DDI2: variants seen among roughly 807,000 people sequenced by gnomAD.
The protein encoded by DDI2 is protein DDI1 homolog 2.
A neutral mutation model predicts 48.1 loss-of-function variants in DDI2; 5 were observed. That is an observed-to-expected ratio of 0.10 (90% CI 0.05 to 0.22). The LOEUF (loss-of-function observed/expected upper bound fraction) is 0.22. DDI2 is among the 10% of genes least tolerant of loss of function. DDI2 has a pLI of 1.00. For missense variants in DDI2, 285 were observed against 506.2 expected (o/e 0.56, Z 4.19); for synonymous variants, 205 against 183.6 (o/e 1.12, Z -0.94).
intron 2 of DDI2, among the ~76,000 whole-genome samples, chr1:15,628,730 T>C (rs754435053): frequency 2.3e-5 from 3 of 128,290 alleles, no homozygotes; most frequent in African/African-American, 3.2e-5. Flanking sequence ...TTTATTGAGA[T>C]AGAATTCATG....
At position 15,665,909 on chromosome 1, in the gene DDI2, T is replaced by G. The variant is rs892045931; in HGVS notation, c.*6119T>G. 7 of 152,126 alleles carry G rather than the reference T, an allele frequency of 4.6e-5. No homozygotes were observed. Among genetic ancestry groups the G allele is most frequent in the African/African-American group, 1.7e-4 (7 of 41,428 alleles). 9.4% of individuals were successfully genotyped at this position (152,126 alleles called of 1,614,324 possible). ...CAAGAGAAGCTGACCAGATTATGCA[T>G]TCTACTGTTCTCTAGCACAAGTACT... On this transcript the variant is annotated 3_prime_UTR_variant, in exon 10 of 10. Coordinates refer to ENST00000480945, the MANE Select transcript of DDI2 (RefSeq NM_032341.5).
Position 15,660,892 on chromosome 1 carries a change from G to A in DDI2, c.*1102G>A, listed in dbSNP as rs749731830. The A allele has an allele frequency of 4.5e-5, 73 of 1,614,108 alleles. No homozygotes were observed. The East Asian group carries it at 1.6e-3, about 34-fold the overall frequency. ...TCTCTGTGGCAGTTGTCAGCCTTCT[G>A]TGGAGTCAGCAGAAGAATCTTGCCC... On this transcript the variant is annotated 3_prime_UTR_variant, in exon 10 of 10. Coordinates refer to ENST00000480945, the MANE Select transcript of DDI2 (RefSeq NM_032341.5).
chr1:15,630,102 T>C (rs556150529), intron 2 of DDI2, among the ~76,000 whole-genome samples: 1 of 152,248 alleles, frequency 6.6e-6, no homozygotes, highest in South Asian at 2.1e-4. Context: ...GCTAAAAATT[T>C]GGAGTTACTA....
At chr1:15,626,988 A>G in intron 2 of DDI2, 190 bp downstream of exon 2, 1 of 696,960 alleles carries the variant, frequency 1.4e-6, no homozygotes, top group Non-Finnish European at 2.3e-6. Context: ...TCTATAAGTT[A>G]GGTGCCATAA....
chr1:15,662,732 C>T lies in DDI2; in HGVS notation c.*2942C>T, dbSNP rs1473800864. 1 of 152,212 alleles carries T rather than the reference C, an allele frequency of 6.6e-6. No homozygotes were observed. The highest frequency in any genetic ancestry group is 1.5e-5 in the Non-Finnish European group (1 of 68,042). 9.4% of individuals were successfully genotyped at this position (152,212 alleles called of 1,614,324 possible). On this transcript the variant is annotated 3_prime_UTR_variant, in exon 10 of 10. Transcript: ENST00000480945. ...TGTGAGCTGTGATCTGAGTGAAATACTAAGTGTGATAACCTTGTCACTGGT... is the reference window on the plus strand; with the variant it reads ...TGTGAGCTGTGATCTGAGTGAAATATTAAGTGTGATAACCTTGTCACTGGT...
chr1:15,658,657 G>A (rs924831451), intron 9 of DDI2, among the ~76,000 whole-genome samples: 2 of 151,876 alleles, frequency 1.3e-5, no homozygotes, highest in African/African-American at 2.4e-5. Context: ...GCTACTCTGA[G>A]GCAGGAGAAT....
intron 1 of DDI2, among the ~76,000 whole-genome samples, chr1:15,618,095 T>C (rs1388545301): frequency 6.6e-6 from 1 of 152,140 alleles, no homozygotes; most frequent in Non-Finnish European, 1.5e-5. Flanking sequence ...GCGCTAACCC[T>C]CCCCACCTTT....
At position 15,661,772 on chromosome 1, in the gene DDI2, A is replaced by G. The variant is rs1332026313; in HGVS notation, c.*1982A>G. The G allele has an allele frequency of 3.2e-6, 5 of 1,540,736 alleles. No homozygotes were observed. Among genetic ancestry groups the G allele is most frequent in the Non-Finnish European group, 4.4e-6 (5 of 1,145,476 alleles). ...TCTCCATTCCCTTTAAACAAAAGAA[A>G]GCTCTCTCTATATACACGCACACAT... On this transcript the variant is annotated 3_prime_UTR_variant, in exon 10 of 10. Coordinates refer to ENST00000480945, the MANE Select transcript of DDI2 (RefSeq NM_032341.5).
chr1:15,631,156 T>C (rs1255676755), intron 3 of DDI2, among the ~76,000 whole-genome samples: 1 of 152,104 alleles, frequency 6.6e-6, no homozygotes, highest in African/African-American at 2.4e-5. Context: ...ACCGATATTT[T>C]AACCTTAGTT....
rs1340318317 is a variant in DDI2 at position 15,661,906 on chromosome 1, A to G, written c.*2116A>G. On this transcript the variant is annotated 3_prime_UTR_variant, in exon 10 of 10. Coordinates refer to ENST00000480945, the MANE Select transcript of DDI2 (RefSeq NM_032341.5). Reference sequence around the variant, plus strand: ...AAAGTAATTTATGATCTTTTGTCTGATGAATTTGTCTATCCTACTTGTTAA... The same window carrying G: ...AAAGTAATTTATGATCTTTTGTCTGGTGAATTTGTCTATCCTACTTGTTAA... 1.2e-6 allele frequency: 1 copy of G among 868,028 alleles called. No individual in the cohort carries two copies. Among genetic ancestry groups the G allele is most frequent in the Non-Finnish European group, 1.6e-6 (1 of 617,502 alleles). The allele number at this position is 868,028 out of a possible 1,614,324, so 53.8% of individuals were successfully genotyped here. A position where few individuals can be genotyped will look rare whatever the true frequency, so the allele number is the denominator to read the frequency against.
chr1:15,622,715 C>A (rs1639685661), intron 1 of DDI2, among the ~76,000 whole-genome samples: 1 of 152,098 alleles, frequency 6.6e-6, no homozygotes, highest in Admixed American at 6.6e-5. Flanking sequence ...CTAATAGATA[C>A]TGAATGTTTG....
chr1:15,661,405 T>C lies in DDI2; in HGVS notation c.*1615T>C, dbSNP rs1432165717. On this transcript the variant is annotated 3_prime_UTR_variant, in exon 10 of 10. Coordinates refer to ENST00000480945, the MANE Select transcript of DDI2 (RefSeq NM_032341.5). ...CAATCAGACTTCTGAGCAAACTAAG[T>C]CTTTGTCATCCAATTTCATATTGGT... 18 of 1,614,036 alleles carry C rather than the reference T, an allele frequency of 1.1e-5. No homozygotes were observed. Among genetic ancestry groups the C allele is most frequent in the Non-Finnish European group, 1.5e-5 (18 of 1,180,040 alleles).
intron 5 of DDI2, 30 bp from the exon 6 acceptor site, chr1:15,643,492 T>G: frequency 6.2e-7 from 1 of 1,601,036 alleles, no homozygotes; most frequent in Non-Finnish European, 8.5e-7. Flanking sequence ...GATTTTGTTT[T>G]TATTGTCTGA....
At chr1:15,652,347 C>T (rs566576208) in intron 8 of DDI2, among the ~76,000 whole-genome samples, 2 of 150,326 alleles carry the variant, frequency 1.3e-5, no homozygotes, top group South Asian at 4.2e-4. Context: ...TGTGAGCTAC[C>T]ATATCCAAAC....
intron 4 of DDI2, among the ~76,000 whole-genome samples, chr1:15,636,193 A>G (rs565394541): frequency 2.6e-4 from 39 of 152,142 alleles, no homozygotes; most frequent in African/African-American, 9.2e-4. Context: ...GTGTAGTGGC[A>G]CGATCATGGC....
rs1342735386 is a variant in DDI2 at position 15,661,236 on chromosome 1, TAAGG to T, written c.*1451_*1454del. 3.7e-6 allele frequency: 6 copies of T among 1,614,000 alleles called. No individual in the cohort carries two copies. The South Asian group carries it at 4.4e-5, about 12-fold the overall frequency. On this transcript the variant is annotated 3_prime_UTR_variant, in exon 10 of 10. Coordinates refer to ENST00000480945, the MANE Select transcript of DDI2 (RefSeq NM_032341.5). ...GTCTAGGTGATGGCCTGTCAACCGATAAGGAAGGTGTCCCCAAATCTAGGGAATC... is the reference window on the plus strand; with the variant it reads ...GTCTAGGTGATGGCCTGTCAACCGATAAGGTGTCCCCAAATCTAGGGAATC...
At chr1:15,632,937 A>T (rs1366596708) in intron 3 of DDI2, among the ~76,000 whole-genome samples, 1 of 124,240 alleles carries the variant, frequency 8.0e-6, no homozygotes, top group Non-Finnish European at 1.7e-5. Flanking sequence ...TTTTTAAAAA[A>T]AAAAAAACAG....
chr1:15,660,622 G>T lies in DDI2; in HGVS notation c.*832G>T. On this transcript the variant is annotated 3_prime_UTR_variant, in exon 10 of 10. Transcript: ENST00000480945. The stretch of plus-strand genomic sequence containing the variant: ...AAATTCAGAAACATTTATGGAAATC[G>T]ATACAGCTCAACAGTCCCTAGTTAC... The T allele has an allele frequency of 6.2e-7, 1 of 1,614,132 alleles. No homozygotes were observed.
intron 8 of DDI2, among the ~76,000 whole-genome samples, chr1:15,652,446 CGGAGGGGGGG>C (rs1338346998): frequency 0.076 from 1,218 of 15,922 alleles, 307 homozygotes; most frequent in African/African-American, 0.2. Context: ...TGGGAGGCTC[CGGAGGGGGGG>C]GGGGGGGGGC....
Sources: allele counts gnomAD v4.1 joint callset (sites outside exome capture counted in the v4.1 genomes callset), GRCh38; gene constraint gnomAD v4.1.1; transcripts MANE v1.5; gene names NCBI Gene and HGNC (gene_info 2026-07-23, HGNC 2026-07-21).